Variants in ART3 observed in about 807,000 individuals in gnomAD.
The protein encoded by ART3 is ecto-ADP-ribosyltransferase 3.
ART3 carries 49 observed loss-of-function variants against 48.5 expected under a neutral mutation model. The ratio of observed to expected loss-of-function variants is 1.01; its 90% CI spans 0.80 to 1.28. The LOEUF is 1.28. ART3 is among the 50% of genes most tolerant of loss of function. The pLI, the probability that ART3 is intolerant of heterozygous loss-of-function variation, is 0.00. For missense variants in ART3, 438 were observed against 454.3 expected, an observed-to-expected ratio of 0.96 and a Z score of 0.33; for synonymous variants, 145 against 157.2, an observed-to-expected ratio of 0.92 and a Z score of 0.58.
At chr4:76,107,856 A>C (rs1394728321) in intron 11 of ART3, 63 bp downstream of exon 11, 4 of 1,330,646 alleles carry the variant, frequency 3.0e-6, no homozygotes, top group African/African-American at 1.5e-5. Flanking sequence ...AAAAAGTGAG[A>C]AATTTATTTT....
In ART3 at chr4:76,091,979, G is replaced by A. The variant is rs150600771; in HGVS notation, c.782-5665G>A. On this transcript the variant is annotated intron_variant, in intron 3 of 11. Transcript: ENST00000355810. ...ATTATAGGTGTGAGCCACTGTGCCTGGTGATTTATCTTTATTCCAGTATCA... is the reference window on the plus strand; with the variant it reads ...ATTATAGGTGTGAGCCACTGTGCCTAGTGATTTATCTTTATTCCAGTATCA... 1.3e-3 allele frequency among the ~76,000 whole-genome samples: 204 copies of A among 152,132 alleles called. 2 individuals are homozygous for A. Among genetic ancestry groups the A allele is most frequent in the African/African-American group, 4.7e-3 (197 of 41,504 alleles).
At chr4:76,053,256 A>G (rs4535358) in intron 1 of ART3, among the ~76,000 whole-genome samples, 89,103 of 152,004 alleles carry the variant, frequency 0.59, 26,977 homozygotes, top group East Asian at 0.94. Flanking sequence ...GCTTAATTAA[A>G]TTTATTGCAC....
chr4:76,089,882 C>A (rs992407288), intron 3 of ART3, among the ~76,000 whole-genome samples: 33 of 152,092 alleles, frequency 2.2e-4, no homozygotes, highest in Non-Finnish European at 4.1e-4. Context: ...GTGTTCGAGA[C>A]CAGCCTGGCC....
chr4:76,031,981 C>T (rs993271886), intron 1 of ART3, among the ~76,000 whole-genome samples: 1 of 152,048 alleles, frequency 6.6e-6, no homozygotes, highest in Non-Finnish European at 1.5e-5. Flanking sequence ...AAGCTGAGAC[C>T]TAAGCAATTA....
chr4:76,058,141 C>G (rs1169946795), intron 1 of ART3: 2 of 152,204 alleles, frequency 1.3e-5, no homozygotes, highest in Non-Finnish European at 2.9e-5. Flanking sequence ...TAGACTCAAA[C>G]TTCATTCAGA....
chr4:76,068,099 T>G (rs1719921727), intron 1 of ART3, among the ~76,000 whole-genome samples: 1 of 152,180 alleles, frequency 6.6e-6, no homozygotes, highest in African/African-American at 2.4e-5. Context: ...TATCTGGGGG[T>G]ACACAAATTT....
At chr4:76,022,208 G>A (rs1307504415) in intron 1 of ART3, among the ~76,000 whole-genome samples, 4 of 152,192 alleles carry the variant, frequency 2.6e-5, no homozygotes, top group Non-Finnish European at 5.9e-5. Context: ...CACACAAGAT[G>A]GTGCCTCAGC....
intron 1 of ART3, among the ~76,000 whole-genome samples, chr4:76,040,838 A>G (rs956761722): frequency 6.6e-6 from 1 of 152,158 alleles, no homozygotes; most frequent in Non-Finnish European, 1.5e-5. Context: ...TTTGTGCTGT[A>G]ACCTTTTCAC....
At chr4:76,045,807 T>C (rs189340185) in intron 1 of ART3, among the ~76,000 whole-genome samples, 36 of 152,076 alleles carry the variant, frequency 2.4e-4, no homozygotes, top group Middle Eastern at 3.4e-3. Flanking sequence ...TATCTGGAGA[T>C]CCATAGTCAG....
At chr4:76,048,609 C>G (rs1249434721) in intron 1 of ART3, among the ~76,000 whole-genome samples, 1 of 151,984 alleles carries the variant, frequency 6.6e-6, no homozygotes, top group African/African-American at 2.4e-5. Context: ...AACCCCTGCC[C>G]AAGAACCCGC....
chr4:76,079,922 A>G (rs1722073903), intron 2 of ART3, among the ~76,000 whole-genome samples: 1 of 150,710 alleles, frequency 6.6e-6, no homozygotes, highest in South Asian at 2.1e-4. Context: ...TCTCTCTCAC[A>G]CACACACACA....
In ART3 at chr4:76,081,737, A is replaced by G. The variant is rs10007524; in HGVS notation, c.70-87A>G. 4.3e-5 allele frequency: 60 copies of G among 1,400,950 alleles called. No homozygotes were observed. The African/African-American group carries it at 8.6e-4, about 20-fold the overall frequency. The allele number at this position is 1,400,950 out of a possible 1,614,324, so 86.8% of individuals were successfully genotyped here. On this transcript the variant is annotated intron_variant, in intron 2 of 11. Transcript: ENST00000355810. ...AGTCAGGCGAGAATTTTGGCAAGGG[A>G]TGAGAAGGTGGGGGTAATAATGTGA...
intron 1 of ART3, among the ~76,000 whole-genome samples, chr4:76,027,728 A>G (rs148317643): frequency 1.4e-3 from 112 of 82,476 alleles, no homozygotes; most frequent in Middle Eastern, 0.013. Flanking sequence ...TGACAGATAA[A>G]TGTCATCAAA....
chr4:76,041,410 T>A (rs1052180440), intron 1 of ART3: 1 of 152,264 alleles, frequency 6.6e-6, no homozygotes, highest in South Asian at 2.1e-4. Context: ...TAAGTCTTGA[T>A]GTCTTCATGA....
chr4:76,036,883 T>C, intron 1 of ART3: 1 of 223,336 alleles, frequency 4.5e-6, no homozygotes, highest in Non-Finnish European at 9.9e-6. Flanking sequence ...CTTGGAGACC[T>C]TCAGTAACTC....
intron 3 of ART3, among the ~76,000 whole-genome samples, chr4:76,092,946 T>C (rs990909009): frequency 2.0e-5 from 3 of 152,234 alleles, no homozygotes; most frequent in Admixed American, 6.5e-5. Context: ...AGATTTATTA[T>C]CATAAAATTC....
At chr4:76,050,692 C>T (rs1049479219) in intron 1 of ART3, among the ~76,000 whole-genome samples, 1 of 152,180 alleles carries the variant, frequency 6.6e-6, no homozygotes, top group African/African-American at 2.4e-5. Flanking sequence ...TGGGACTGGG[C>T]ACCGTGGAGC....
At chr4:76,108,828 G>T (rs7678836) in intron 11 of ART3, among the ~76,000 whole-genome samples, 78,729 of 152,118 alleles carry the variant, frequency 0.52, 21,763 homozygotes, top group African/African-American at 0.71. Flanking sequence ...GCATGTTATT[G>T]TGTTGAGTAC....
intron 11 of ART3, 92 bp from the exon 12 acceptor site, chr4:76,112,294 G>A (rs1163177184): frequency 1.4e-6 from 2 of 1,443,140 alleles, no homozygotes; most frequent in South Asian, 1.5e-5. Flanking sequence ...CAACTTTAGT[G>A]TCATTGTTTA....
Sources: gnomAD v4.1 joint callset for allele counts (sites outside exome capture counted in the v4.1 genomes callset) on GRCh38, gnomAD v4.1.1 for gene constraint, MANE v1.5 for transcripts, NCBI Gene and HGNC (gene_info 2026-07-23, HGNC 2026-07-21) for gene names.